Variants in INTS1 observed in about 807,000 individuals in gnomAD.
INTS1 encodes integrator complex subunit 1.
Under a neutral mutation model 241.6 loss-of-function variants are expected in INTS1, and 137 were observed. The observed-to-expected ratio is 0.57, with a 90% CI of 0.49 to 0.65. INTS1 has a LOEUF of 0.65. INTS1 is among the 30% of genes least tolerant of loss of function. The pLI, the probability that INTS1 is intolerant of heterozygous loss-of-function variation, is 0.00. For missense variants in INTS1, 3,073 were observed against 3,032.2 expected, an observed-to-expected ratio of 1.01 and a Z score of -0.32; for synonymous variants, 1,692 against 1,337.8, an observed-to-expected ratio of 1.26 and a Z score of -5.78.
Position 1,493,891 on chromosome 7 carries a change from G to A in INTS1, c.1931C>T (p.Ser644Phe). ...CGTGTCCTCCAAAATGGGCACCTCG[G>A]AGCACAGACGCAGGAAGAAGCTGCG... is the stretch of plus-strand genomic sequence containing the variant. The part of the protein sequence containing the change: ...SDRNFFLRLC[S>F]EVPILEDTLM... The change falls in exon 15 of 48, where the codon TCC (serine) becomes TTC (phenylalanine). Residue 644 changes from serine (S) to phenylalanine (F), a missense_variant. By Grantham distance (155) the Ser-to-Phe change is radical. Coordinates refer to ENST00000404767, the MANE Select transcript of INTS1 (RefSeq NM_001080453.3). The surrounding 1 kb of genome is among the most constrained non-coding windows in gnomAD (Gnocchi z 5.3). 7 of 1,562,732 alleles carry A rather than the reference G, an allele frequency of 4.5e-6. No homozygotes were observed. Among genetic ancestry groups the A allele is most frequent in the South Asian group, 1.2e-5 (1 of 84,724 alleles).
chr7:1,502,570 C>T (rs575007927), intron 3 of INTS1, among the ~76,000 whole-genome samples: 90 of 152,330 alleles, frequency 5.9e-4, no homozygotes, highest in African/African-American at 2.1e-3. Context: ...TGAGAACAGA[C>T]ACCTGGGGTG....
rs1002330500 is a variant in INTS1 at position 1,487,923 on chromosome 7, C to T, written c.2353G>A (p.Glu785Lys). The T allele has an allele frequency of 2.0e-5, 32 of 1,613,462 alleles. No homozygotes were observed. Among genetic ancestry groups the T allele is most frequent in the Non-Finnish European group, 2.7e-5 (32 of 1,179,838 alleles). The change falls in exon 19 of 48, where the codon GAG becomes AAG. Residue 785 changes from glutamate to lysine, a missense_variant. Physicochemically the swap from Glu to Lys is moderately conservative, Grantham distance 56. Coordinates refer to ENST00000404767, the MANE Select transcript of INTS1 (RefSeq NM_001080453.3). ...YSYPPCTLTD[E>K]ETRTEMLNRE... is the part of the protein sequence containing the mutation. ...TTCAGCATCTCCGTCCGGGTCTCCT[C>T]ATCCGTCAGGGTGCACGGTGGGTAG...
At chr7:1,498,074 T>C (rs1043522864) in intron 10 of INTS1, among the ~76,000 whole-genome samples, 8 of 152,008 alleles carry the variant, frequency 5.3e-5, no homozygotes, top group African/African-American at 1.9e-4. Flanking sequence ...ACTACCTTAC[T>C]ATCCAAAGGC....
Position 1,495,454 on chromosome 7 carries a change from G to A in INTS1, c.1811C>T (p.Ala604Val). The change falls in exon 13 of 48, where the codon GCC becomes GTC. Residue 604 changes from alanine (A) to valine (V), a missense_variant. By Grantham distance (64) the Ala-to-Val change is moderately conservative (BLOSUM62 0). Coordinates refer to ENST00000404767, the MANE Select transcript of INTS1 (RefSeq NM_001080453.3). ...HTVVPSISKL[A>V]PKDYVHCLHK... The stretch of plus-strand genomic sequence containing the variant: ...GCACCAGTGCACGTAGTCCTTAGGG[G>A]CGAGCTTGCTGATGGAGGGGACCAC... 6.2e-7 allele frequency: 1 copy of A among 1,612,366 alleles called. No individual in the cohort carries two copies. The highest frequency in any genetic ancestry group is 8.5e-7 in the Non-Finnish European group (1 of 1,179,670).
chr7:1,478,991 C>G, intron 31 of INTS1, 106 bp from the exon 32 acceptor site: 1 of 1,313,174 alleles, frequency 7.6e-7, no homozygotes, highest in South Asian at 1.5e-5. Context: ...CTGCCGCGAC[C>G]GGCACTTGGA....
At chr7:1,482,957 ATGTG>A in intron 26 of INTS1, 1 of 529,278 alleles carries the variant, frequency 1.9e-6, no homozygotes, top group Non-Finnish European at 3.4e-6. Context: ...CCAAGGGGAC[ATGTG>A]CGTGTCCCCA....
chr7:1,479,331 A>G (rs896681927), intron 31 of INTS1, 99 bp downstream of exon 31: 4 of 1,364,306 alleles, frequency 2.9e-6, no homozygotes, highest in East Asian at 5.2e-5. Flanking sequence ...ACTGAGACCC[A>G]AGACCCACAG....
intron 16 of INTS1, among the ~76,000 whole-genome samples, chr7:1,491,622 G>C (rs1172881957): frequency 6.6e-6 from 1 of 152,234 alleles, no homozygotes; most frequent in African/African-American, 2.4e-5. Context: ...CTGGCCAGGC[G>C]CGGTGTGGCT....
At position 1,470,335 on chromosome 7, in the gene INTS1, C is replaced by T. The variant is rs575782768; in HGVS notation, c.*242G>A. The T allele has an allele frequency of 4.0e-3, 1,919 of 475,758 alleles. 5 individuals are homozygous for T. The highest frequency in any genetic ancestry group is 5.5e-3 in the Non-Finnish European group (1,497 of 270,970). The allele number at this position is 475,758 out of a possible 1,614,324, so 29.5% of individuals were successfully genotyped here. On this transcript the variant is annotated 3_prime_UTR_variant, in exon 48 of 48. Coordinates refer to ENST00000404767, the MANE Select transcript of INTS1 (RefSeq NM_001080453.3). ...AGGCCATGCCCGGGGGGATCCGCCG[C>T]TCCGCGGCAGGGCTGTGGCCCAGAA...
At position 1,481,394 on chromosome 7, in the gene INTS1, G is replaced by A. The variant is rs373612021; in HGVS notation, c.3798C>T (p.Asp1266=). The change falls in exon 28 of 48, where the codon GAC becomes GAT. Residue 1266 remains aspartate (D), a synonymous_variant. Transcript: ENST00000404767. This position sits in a 1 kb window ranked among gnomAD's most constrained non-coding sequence, Gnocchi z 6.8. ...SSMSKLLQFL[D]QAVAHDPQTL... is the part of the protein sequence containing the mutation. ...TCTGGGGGTCGTGGGCCACTGCCTG[G>A]TCCAGGAACTGGAGGAGTTTGCTCA... The A allele has an allele frequency of 5.6e-6, 9 of 1,612,908 alleles. No individual in the cohort carries two copies. Among genetic ancestry groups the A allele is most frequent in the Non-Finnish European group, 7.6e-6 (9 of 1,179,756 alleles).
Position 1,472,398 on chromosome 7 carries a change from T to A in INTS1, c.6071-12A>T, listed in dbSNP as rs918696571. On this transcript the variant is annotated splice_polypyrimidine_tract_variant and intron_variant, in intron 43 of 47. Transcript: ENST00000404767. ...GGCTGAGCTCTCCTCTGGAAGACAGTGGCAGTGCTGCAGGAGGGCGGGAGC... is the reference window on the plus strand; with the variant it reads ...GGCTGAGCTCTCCTCTGGAAGACAGAGGCAGTGCTGCAGGAGGGCGGGAGC... The A allele has an allele frequency of 1.3e-6, 2 of 1,519,276 alleles. No homozygotes were observed. The highest frequency in any genetic ancestry group is 4.0e-5 in the Admixed American group (2 of 50,118). 94.1% of individuals were successfully genotyped at this position (1,519,276 alleles called of 1,614,324 possible). A position where few individuals can be genotyped will look rare whatever the true frequency, so the allele number is the denominator to read the frequency against.
At chr7:1,486,873 AGGGGTGCGGGGTGAGAGGCG>A in intron 21 of INTS1, 29 bp downstream of exon 21, 1 of 1,221,550 alleles carries the variant, frequency 8.2e-7, no homozygotes, top group East Asian at 3.3e-5. Context: ...TTGCCCTGAC[AGGGGTGCGGGGTGAGAGGCG>A]GGGGGGCTGA....
chr7:1,491,985 G>A (rs1199345791), intron 16 of INTS1, among the ~76,000 whole-genome samples: 2 of 152,196 alleles, frequency 1.3e-5, no homozygotes, highest in African/African-American at 2.4e-5. Flanking sequence ...AGAAACACGG[G>A]CCATGAGTGC....
Position 1,471,211 on chromosome 7 carries a change from C to G in INTS1, c.6269G>C (p.Arg2090Pro), listed in dbSNP as rs573260428. 6.3e-7 allele frequency: 1 copy of G among 1,578,876 alleles called. No individual in the cohort carries two copies. Among genetic ancestry groups the G allele is most frequent in the East Asian group, 2.3e-5 (1 of 42,810 alleles). ...ACACTCCTCGGCCGAGCTCATCAGCCGCTGCAGGTTGGTCTGACCGGGGGA... is the reference window on the plus strand; with the variant it reads ...ACACTCCTCGGCCGAGCTCATCAGCGGCTGCAGGTTGGTCTGACCGGGGGA... ...ILSFFSTNLQ[R>P]LMSSAEECCR... Residue 2090 changes from arginine (R) to proline (P), a missense_variant, in exon 46 of 48, where the codon CGG becomes CCG. Transcript: ENST00000404767.
At chr7:1,484,666 C>T (rs781063778) in intron 24 of INTS1, among the ~76,000 whole-genome samples, 1 of 152,210 alleles carries the variant, frequency 6.6e-6, no homozygotes, top group Non-Finnish European at 1.5e-5. Context: ...ACCCTCCTGG[C>T]GTCGGGGAGA....
chr7:1,478,791 C>T lies in INTS1; in HGVS notation c.4424G>A (p.Gly1475Glu). ...CATCCTGAGCTGTGCCCGCAGGGGC[C>T]CGCCCTCCACGCCAGGGCTGTCCAG... ...QWLDSPGVEG[G>E]PLRAQLRMLA... Residue 1475 changes from glycine (G) to glutamate (E), a missense_variant, in exon 32 of 48, where the codon GGG becomes GAG. Coordinates refer to ENST00000404767, the MANE Select transcript of INTS1 (RefSeq NM_001080453.3). The T allele has an allele frequency of 6.2e-7, 1 of 1,605,398 alleles. No homozygotes were observed. Among genetic ancestry groups the T allele is most frequent in the Non-Finnish European group, 8.5e-7 (1 of 1,177,028 alleles).
rs1163093262 is a variant in INTS1 at position 1,487,392 on chromosome 7, C to T, written c.2574G>A (p.Gln858=). The T allele has an allele frequency of 1.2e-6, 2 of 1,612,020 alleles. No individual in the cohort carries two copies. The highest frequency in any genetic ancestry group is 1.1e-5 in the South Asian group (1 of 90,764). Residue 858 remains glutamine, a synonymous_variant, in exon 20 of 48, where the codon CAG becomes CAA. Transcript: ENST00000404767. ...HILDQVKSLN[Q]SLRLGHLLCR... is the part of the protein sequence containing the mutation. ...ACAAGAGGTGCCCGAGGCGGAGGGA[C>T]TGGTTGAGGCTTTTCACTTGATCCA...
chr7:1,473,424 G>T, intron 42 of INTS1, 142 bp downstream of exon 42: 1 of 1,106,094 alleles, frequency 9.0e-7, no homozygotes, highest in Non-Finnish European at 1.3e-6. Flanking sequence ...CTGCGCCCTG[G>T]GATGAGCACC....
At chr7:1,474,383 G>A in intron 40 of INTS1, 23 bp from the exon 41 acceptor site, 5 of 1,563,728 alleles carry the variant, frequency 3.2e-6, no homozygotes, top group Non-Finnish European at 3.5e-6. Flanking sequence ...TGAGGGCCCA[G>A]TCAGCCCCGG....
Sources: gnomAD v4.1 joint callset for allele counts (sites outside exome capture counted in the v4.1 genomes callset) on GRCh38, gnomAD v4.1.1 for gene constraint, Gnocchi (gnomAD v3.1) non-coding constraint, MANE v1.5 for transcripts, NCBI Gene and HGNC (gene_info 2026-07-23, HGNC 2026-07-21) for gene names.